PTK2: variants seen among roughly 807,000 people sequenced by gnomAD.
PTK2 encodes the protein protein tyrosine kinase 2, also known as focal adhesion kinase 1.
A neutral mutation model predicts 150.1 loss-of-function variants in PTK2; 45 were observed. The ratio of observed to expected loss-of-function variants is 0.30; its 90% CI spans 0.24 to 0.38. PTK2 has a LOEUF of 0.38. Among genes scored for constraint, PTK2 ranks in the 10% least tolerant of loss-of-function variants. The pLI, the probability that PTK2 is intolerant of heterozygous loss-of-function variation, is 1.00. For synonymous variants in PTK2, 432 were observed against 449.2 expected, an observed-to-expected ratio of 0.96 and a Z score of 0.48; for missense variants, 919 against 1,307.3, an observed-to-expected ratio of 0.70 and a Z score of 4.58.
chr8:140,936,133 C>G (rs2100173543), intron 1 of PTK2, among the ~76,000 whole-genome samples: 4 of 152,080 alleles, frequency 2.6e-5, no homozygotes, highest in Non-Finnish European at 5.9e-5. Context: ...TGCCCTCCAG[C>G]CTGAGCTGGA....
chr8:140,706,773 T>C (rs1284247006), intron 23 of PTK2, among the ~76,000 whole-genome samples: 1 of 152,056 alleles, frequency 6.6e-6, no homozygotes, highest in Non-Finnish European at 1.5e-5. Context: ...CACAAAAACA[T>C]GTAGATCAGC....
At chr8:140,997,466 C>T (rs900069681) in intron 1 of PTK2, among the ~76,000 whole-genome samples, 9 of 152,156 alleles carry the variant, frequency 5.9e-5, no homozygotes, top group Admixed American at 3.9e-4. Context: ...AATGAAAGAA[C>T]GAGCCAACTG....
intron 26 of PTK2, among the ~76,000 whole-genome samples, chr8:140,692,719 G>A (rs1457245105): frequency 1.3e-5 from 2 of 151,924 alleles, no homozygotes; most frequent in East Asian, 3.9e-4. Context: ...CAAATTTAAG[G>A]TTTATAGCTC....
chr8:140,706,139 C>T (rs765840716), exon 24 of PTK2: 5 of 1,611,138 alleles, frequency 3.1e-6, no homozygotes, highest in Non-Finnish European at 4.2e-6. Flanking sequence ...TTGGTTTGTA[C>T]CATGTGCTGT....
chr8:140,915,454 T>G (rs2100164868), intron 2 of PTK2, among the ~76,000 whole-genome samples: 1 of 152,060 alleles, frequency 6.6e-6, no homozygotes, highest in Non-Finnish European at 1.5e-5. Context: ...GAGGACACAT[T>G]TTAGGGTTCC....
rs538426883 is a variant in PTK2, at chr8:140,823,175, C to T, written c.649-4155G>A. Among the ~76,000 whole-genome samples the T allele has an allele frequency of 1.1e-3, 165 of 152,288 alleles. No homozygotes were observed. The Middle Eastern group carries it at 0.024, about 22-fold the overall frequency. ...CAGGGACCAGAACACAATGACAAAA[C>T]ATTTCTATTAACATTAACCAAATGT... is the stretch of plus-strand genomic sequence containing the variant. On this transcript the variant is annotated intron_variant, in intron 8 of 31. Coordinates refer to ENST00000522684, the Ensembl canonical transcript of PTK2.
intron 16 of PTK2, among the ~76,000 whole-genome samples, chr8:140,754,507 T>G (rs1160588163): frequency 1.3e-5 from 2 of 152,200 alleles, no homozygotes; most frequent in Non-Finnish European, 2.9e-5. Context: ...ACCGAAAATG[T>G]CCATTTTATA....
chr8:140,752,553 T>C (rs563899938), intron 16 of PTK2, among the ~76,000 whole-genome samples: 67 of 152,302 alleles, frequency 4.4e-4, no homozygotes, highest in African/African-American at 1.6e-3. Context: ...TCTACAAACA[T>C]GTGTTAGAGA....
chr8:140,952,251 G>A (rs1432825317), intron 1 of PTK2, among the ~76,000 whole-genome samples: 1 of 152,148 alleles, frequency 6.6e-6, no homozygotes, highest in Admixed American at 6.5e-5. Flanking sequence ...CTCACACACA[G>A]ACTCACACCC....
chr8:140,963,326 G>A (rs557231284), intron 1 of PTK2, among the ~76,000 whole-genome samples: 11 of 152,208 alleles, frequency 7.2e-5, no homozygotes, highest in African/African-American at 2.6e-4. Flanking sequence ...AGATTTAGAA[G>A]GTTATCTAAT....
intron 2 of PTK2, among the ~76,000 whole-genome samples, chr8:140,912,578 G>A (rs573130516): frequency 2.9e-4 from 44 of 151,506 alleles, no homozygotes; most frequent in African/African-American, 8.2e-4. Context: ...AAAAGCATTC[G>A]ACAAAAATCA....
intron 1 of PTK2, among the ~76,000 whole-genome samples, chr8:140,989,550 C>T (rs1057406687): frequency 6.6e-6 from 1 of 151,366 alleles, no homozygotes; most frequent in African/African-American, 2.4e-5. Context: ...AAAAGAAGAC[C>T]TAATAGAAAA....
chr8:140,813,286 G>C (rs1191257240), intron 10 of PTK2, among the ~76,000 whole-genome samples: 1 of 148,468 alleles, frequency 6.7e-6, no homozygotes, highest in Non-Finnish European at 1.5e-5. Flanking sequence ...ATGACTTTTG[G>C]GTAAATAATG....
chr8:140,869,804 T>C (rs1358727154), intron 4 of PTK2, among the ~76,000 whole-genome samples: 1 of 151,950 alleles, frequency 6.6e-6, no homozygotes, highest in Non-Finnish European at 1.5e-5. Context: ...ATGAAGATAT[T>C]ATAATCATGA....
At chr8:140,762,523 G>C in intron 15 of PTK2, 135 bp from the exon 18 acceptor site, 2 of 284,052 alleles carry the variant, frequency 7.0e-6, no homozygotes, top group Non-Finnish European at 1.1e-5. Context: ...GCACAAATAT[G>C]AATTTTAAAG....
chr8:140,987,560 T>A (rs1384464508), intron 1 of PTK2, among the ~76,000 whole-genome samples: 3 of 152,234 alleles, frequency 2.0e-5, no homozygotes, highest in Admixed American at 1.3e-4. Flanking sequence ...TGCTCAACAC[T>A]ATCAGTCATT....
At position 140,939,335 on chromosome 8, in the gene PTK2, C is replaced by G. The variant is rs562138606; in HGVS notation, c.-121-13586G>C. ...TTAATGACAAGCATACATAAGTGAT[C>G]AAAGTTTTCCCACATCTATCACTGC... On this transcript the variant is annotated intron_variant, in intron 1 of 31. Coordinates refer to ENST00000522684, the Ensembl canonical transcript of PTK2. Among the ~76,000 whole-genome samples the G allele has an allele frequency of 6.6e-5, 10 of 152,276 alleles. No homozygotes were observed. In the East Asian group the frequency reaches 1.9e-3, roughly 29 times the overall value.
At chr8:140,783,318 C>A (rs2100082957) in intron 14 of PTK2, among the ~76,000 whole-genome samples, 2 of 152,178 alleles carry the variant, frequency 1.3e-5, no homozygotes, top group African/African-American at 4.8e-5. Flanking sequence ...AGATTTCCAT[C>A]AGGCTATTAC....
intron 7 of PTK2, among the ~76,000 whole-genome samples, chr8:140,832,420 C>A (rs2100116004): frequency 6.6e-6 from 1 of 152,148 alleles, no homozygotes; most frequent in Non-Finnish European, 1.5e-5. Flanking sequence ...CACCTGCGAA[C>A]CTCCGGTTAC....
Sources: gnomAD v4.1 joint callset for allele counts (sites outside exome capture counted in the v4.1 genomes callset) on GRCh38, gnomAD v4.1.1 for gene constraint, MANE v1.5 for transcripts, NCBI Gene and HGNC (gene_info 2026-07-23, HGNC 2026-07-21) for gene names.